CNBD2: variants seen among roughly 807,000 people sequenced by gnomAD.
CNBD2 encodes cyclic nucleotide binding domain containing 2, also known as cyclic nucleotide-binding domain-containing protein 2.
In CNBD2, 64 loss-of-function variants were observed where a neutral mutation model predicts 63.7. The ratio of observed to expected loss-of-function variants is 1.00; its 90% CI spans 0.82 to 1.24. CNBD2 has a LOEUF of 1.24. CNBD2 is among the 50% of genes most tolerant of loss of function. The pLI is 0.00. For synonymous variants in CNBD2, 229 were observed against 255.4 expected (o/e 0.90, Z 0.99); for missense variants, 691 against 713.5 (o/e 0.97, Z 0.36).
rs1023114031 is a variant in CNBD2, at chr20:36,008,392, T to C, written c.1066T>C (p.Trp356Arg). 1.9e-6 allele frequency: 3 copies of C among 1,614,002 alleles called. No homozygotes were observed. The highest frequency in any genetic ancestry group is 2.5e-6 in the Non-Finnish European group (3 of 1,179,984). The change falls in exon 9 of 12, where the codon TGG becomes CGG. Residue 356 changes from tryptophan (W) to arginine (R), a missense_variant. By Grantham distance (101) the Trp-to-Arg change is moderately radical (BLOSUM62 -3). Transcript: ENST00000373973. ...GAAACTTCCACATCTCAAAAAAGCC[T>C]GGGGGCTACAGGGGACAAGCTTCAG... The part of the protein sequence containing the change: ...SLKLPHLKKA[W>R]GLQGTSFSRK...
chr20:36,006,994 C>A (rs1318330891), intron 8 of CNBD2, among the ~76,000 whole-genome samples: 1 of 152,050 alleles, frequency 6.6e-6, no homozygotes, highest in Non-Finnish European at 1.5e-5. Context: ...TTGAGACAAT[C>A]CTGACTAACA....
intron 7 of CNBD2, among the ~76,000 whole-genome samples, chr20:35,993,647 A>T (rs1435863266): frequency 2.6e-5 from 4 of 152,206 alleles, no homozygotes; most frequent in Non-Finnish European, 4.4e-5. Context: ...CATAGAGAAA[A>T]GTTTGAAATA....
At chr20:35,980,731 C>T in intron 4 of CNBD2, 109 bp downstream of exon 4, 5 of 1,009,312 alleles carry the variant, frequency 5.0e-6, no homozygotes, top group Non-Finnish European at 5.8e-6. Context: ...TAATGTCAGC[C>T]ATGAATGAAG....
chr20:36,024,560 CAG>C (rs2057260435), intron 11 of CNBD2, among the ~76,000 whole-genome samples: 1 of 151,806 alleles, frequency 6.6e-6, no homozygotes, highest in South Asian at 2.1e-4. Context: ...ACCTGGGAGG[CAG>C]AGTTTGAAGT....
chr20:35,988,227 C>G, intron 7 of CNBD2, among the ~76,000 whole-genome samples: 1 of 151,766 alleles, frequency 6.6e-6, no homozygotes, highest in East Asian at 1.9e-4. Context: ...AGTGCAGTGA[C>G]GAGATCTTGG....
upstream of CNBD2, chr20:35,954,608 G>T (rs1234085861): frequency 7.3e-7 from 1 of 1,372,706 alleles, no homozygotes; most frequent in South Asian, 1.3e-5. Context: ...TCGCGGTGCG[G>T]GAGGGCGAGC....
At chr20:35,965,076 T>A (rs2056335177), upstream of CNBD2, among the ~76,000 whole-genome samples, 1 of 152,172 alleles carries the variant, frequency 6.6e-6, no homozygotes, top group South Asian at 2.1e-4. Context: ...TGTGAACTCC[T>A]GGTAAGCAGG....
At chr20:35,964,515 C>T (rs573082416), upstream of CNBD2, among the ~76,000 whole-genome samples, 53 of 151,776 alleles carry the variant, frequency 3.5e-4, no homozygotes, top group African/African-American at 1.3e-3. Flanking sequence ...CTCAGCCTCC[C>T]GAGTAGCTGG....
At chr20:36,020,350 G>C (rs532541818) in intron 10 of CNBD2, among the ~76,000 whole-genome samples, 1 of 152,098 alleles carries the variant, frequency 6.6e-6, no homozygotes, top group Non-Finnish European at 1.5e-5. Flanking sequence ...CAAAGTGCTG[G>C]GATTACAGGC....
intron 10 of CNBD2, among the ~76,000 whole-genome samples, chr20:36,014,099 C>T (rs898941812): frequency 3.4e-5 from 5 of 145,794 alleles, no homozygotes; most frequent in Non-Finnish European, 7.4e-5. Flanking sequence ...AGGAGAATGG[C>T]GGGAACCCGG....
intron 9 of CNBD2, among the ~76,000 whole-genome samples, chr20:36,010,458 A>AAG (rs952904968): frequency 3.1e-4 from 47 of 151,870 alleles, no homozygotes; most frequent in African/African-American, 9.4e-4. Flanking sequence ...AAAAAAAAAA[A>AAG]AAAAGAAAAG....
exon 1 of CNBD2, chr20:35,955,114 A>G: frequency 5.9e-6 from 1 of 170,502 alleles, no homozygotes; most frequent in South Asian, 1.8e-4. Context: ...TGTTAACGTC[A>G]GCATTTAATA....
chr20:35,982,499 G>T lies in CNBD2; in HGVS notation c.408-1483G>T, dbSNP rs578096783. 1.5e-4 allele frequency among the ~76,000 whole-genome samples: 23 copies of T among 152,160 alleles called. No individual in the cohort carries two copies. The East Asian group carries it at 3.5e-3, about 23-fold the overall frequency. ...GGCCACCTCTGCACCTTTGGTCATG[G>T]TGGTCCCTGTGCCTGGGACCCTCTT... is the stretch of plus-strand genomic sequence containing the variant. On this transcript the variant is annotated intron_variant, in intron 4 of 11. Coordinates refer to ENST00000373973, the MANE Select transcript of CNBD2 (RefSeq NM_001365709.1).
downstream of CNBD2, among the ~76,000 whole-genome samples, chr20:35,957,227 G>A (rs949556455): frequency 1.3e-5 from 2 of 152,162 alleles, no homozygotes; most frequent in Non-Finnish European, 2.9e-5. Flanking sequence ...TTGTGGGCCG[G>A]TAAGCCTGCT....
intron 1 of CNBD2, among the ~76,000 whole-genome samples, chr20:35,971,414 T>G (rs1455558516): frequency 5.9e-5 from 9 of 152,158 alleles, no homozygotes; most frequent in Non-Finnish European, 1.0e-4. Flanking sequence ...TACAGTCATA[T>G]TCAATTTCCT....
intron 2 of CNBD2, among the ~76,000 whole-genome samples, chr20:35,960,742 CCTTCT>C (rs1446906024): frequency 4.5e-5 from 3 of 67,070 alleles, no homozygotes; most frequent in East Asian, 3.5e-4. Flanking sequence ...CCTTCTCTTC[CCTTCT>C]CTTCCCTTCT....
intron 10 of CNBD2, among the ~76,000 whole-genome samples, chr20:36,011,646 T>G (rs1322576060): frequency 6.6e-6 from 1 of 152,134 alleles, no homozygotes; most frequent in African/African-American, 2.4e-5. Context: ...TCCTAGCTAG[T>G]CCATTCAAGA....
intron 4 of CNBD2, among the ~76,000 whole-genome samples, chr20:35,982,994 G>T (rs549379406): frequency 6.6e-6 from 1 of 152,112 alleles, no homozygotes; most frequent in South Asian, 2.1e-4. Flanking sequence ...CAATTAGCTG[G>T]ATGTGGCAAC....
chr20:35,994,050 T>A (rs2147270219), intron 7 of CNBD2, among the ~76,000 whole-genome samples: 2 of 147,424 alleles, frequency 1.4e-5, no homozygotes, highest in African/African-American at 5.2e-5. Context: ...CGGCTAATTT[T>A]GTTTTTTTTT....
Sources: allele counts gnomAD v4.1 joint callset (sites outside exome capture counted in the v4.1 genomes callset), GRCh38; gene constraint gnomAD v4.1.1; transcripts MANE v1.5; gene names NCBI Gene and HGNC (gene_info 2026-07-23, HGNC 2026-07-21).